AUTS2: variants seen among roughly 807,000 people sequenced by gnomAD.
AUTS2 encodes the protein activator of transcription and developmental regulator AUTS2.
A neutral mutation model predicts 112.4 loss-of-function variants in AUTS2; 17 were observed. That is an observed-to-expected ratio of 0.15 (90% CI 0.10 to 0.23). The LOEUF is 0.23. AUTS2 is among the 10% of genes least tolerant of loss of function. AUTS2 has a pLI of 1.00. For synonymous variants in AUTS2, 751 were observed against 702.7 expected (o/e 1.07, Z -1.09); for missense variants, 1,510 against 1,701.6 (o/e 0.89, Z 1.98).
intron 4 of AUTS2, among the ~76,000 whole-genome samples, chr7:70,379,646 GA>G (rs1433380676): frequency 3.3e-5 from 5 of 152,218 alleles, no homozygotes; most frequent in African/African-American, 1.2e-4. Flanking sequence ...TAGCTTGGTA[GA>G]CTGGCTGCCT....
chr7:70,713,676 C>T (rs927303202), intron 6 of AUTS2, among the ~76,000 whole-genome samples: 3 of 151,680 alleles, frequency 2.0e-5, no homozygotes, highest in Admixed American at 6.6e-5. Flanking sequence ...AGGCGGATCA[C>T]GAGGTCAGGA....
At chr7:69,712,022 C>T (rs1215835716) in intron 1 of AUTS2, among the ~76,000 whole-genome samples, 2 of 152,166 alleles carry the variant, frequency 1.3e-5, no homozygotes, top group Non-Finnish European at 2.9e-5. Context: ...GATGTCCTTT[C>T]CTCCATAAGC....
At chr7:70,095,430 C>T (rs1387123529) in intron 2 of AUTS2, among the ~76,000 whole-genome samples, 1 of 152,078 alleles carries the variant, frequency 6.6e-6, no homozygotes, top group Admixed American at 6.6e-5. Flanking sequence ...TGCTTCTGAC[C>T]CATTAGGAGA....
At chr7:69,640,182 GAAAATGTCTGCA>G (rs1794738551) in intron 1 of AUTS2, among the ~76,000 whole-genome samples, 3 of 92,578 alleles carry the variant, frequency 3.2e-5, no homozygotes, top group South Asian at 7.1e-4. Flanking sequence ...TGAGAATTTG[GAAAATGTCTGCA>G]GACTTTACTG....
At chr7:70,708,760 C>G (rs1809877685) in intron 6 of AUTS2, among the ~76,000 whole-genome samples, 1 of 152,158 alleles carries the variant, frequency 6.6e-6, no homozygotes, top group South Asian at 2.1e-4. Flanking sequence ...TAAAACCTAC[C>G]CCTTTGAGTT....
intron 15 of AUTS2, chr7:70,783,304 A>T (rs1254029719): frequency 6.6e-6 from 1 of 152,212 alleles, no homozygotes. Context: ...AAAATAAGCC[A>T]GTATGCAGGG....
intron 1 of AUTS2, among the ~76,000 whole-genome samples, chr7:69,640,479 A>G (rs1424195535): frequency 6.6e-6 from 1 of 152,214 alleles, no homozygotes; most frequent in Non-Finnish European, 1.5e-5. Context: ...ACTGAGATTT[A>G]TTGGTTTCTT....
At chr7:70,433,254 C>G (rs899717685) in intron 4 of AUTS2, among the ~76,000 whole-genome samples, 1 of 152,208 alleles carries the variant, frequency 6.6e-6, no homozygotes, top group African/African-American at 2.4e-5. Flanking sequence ...CTACCCCACT[C>G]CTCGTCCTCC....
chr7:70,195,121 G>A (rs958095497), intron 4 of AUTS2, among the ~76,000 whole-genome samples: 1 of 152,104 alleles, frequency 6.6e-6, no homozygotes, highest in Non-Finnish European at 1.5e-5. Flanking sequence ...AAAACAAGAA[G>A]TCTCTTTTCC....
At chr7:70,207,307 CCATT>C (rs1052408003) in intron 4 of AUTS2, among the ~76,000 whole-genome samples, 4 of 152,120 alleles carry the variant, frequency 2.6e-5, no homozygotes, top group African/African-American at 9.7e-5. Context: ...CTCACACTGT[CCATT>C]CAGAATCCTT....
At chr7:70,082,298 G>A (rs903213198) in intron 2 of AUTS2, among the ~76,000 whole-genome samples, 1 of 152,154 alleles carries the variant, frequency 6.6e-6, no homozygotes, top group Non-Finnish European at 1.5e-5. Context: ...GTAATCTCTT[G>A]TGAGGAAATT....
chr7:69,734,801 T>C (rs1751042569), intron 1 of AUTS2, among the ~76,000 whole-genome samples: 1 of 152,204 alleles, frequency 6.6e-6, no homozygotes, highest in South Asian at 2.1e-4. Context: ...GTCAGTGAGA[T>C]TATAAAAGCT....
In AUTS2 at chr7:70,766,368, A is replaced by G. The variant is rs371293256; in HGVS notation, c.1689+34A>G. ...CCCAGGCAGAAATGTGAGGATAAGT[A>G]GAGCACGACTCTTTTCTTTATGCAG... On this transcript the variant is annotated intron_variant, in intron 9 of 18. Transcript: ENST00000342771. The surrounding 1 kb of genome is among the most constrained non-coding windows in gnomAD (Gnocchi z 4.8). 188 of 1,609,682 alleles carry G rather than the reference A, an allele frequency of 1.2e-4. No individual in the cohort carries two copies. The highest frequency in any genetic ancestry group is 1.4e-4 in the Non-Finnish European group (169 of 1,177,042).
chr7:70,263,994 G>GT (rs1291969631), intron 4 of AUTS2, among the ~76,000 whole-genome samples: 2 of 152,126 alleles, frequency 1.3e-5, no homozygotes, highest in African/African-American at 2.4e-5. Flanking sequence ...TTGTCTTGAA[G>GT]TTTTCAAAAC....
intron 5 of AUTS2, among the ~76,000 whole-genome samples, chr7:70,670,888 C>T (rs1432476767): frequency 6.6e-6 from 1 of 152,188 alleles, no homozygotes; most frequent in Non-Finnish European, 1.5e-5. Flanking sequence ...AGTAACAAAA[C>T]AGGCGGGGTG....
At chr7:70,019,665 C>T (rs1194844946) in intron 2 of AUTS2, among the ~76,000 whole-genome samples, 3 of 152,152 alleles carry the variant, frequency 2.0e-5, no homozygotes, top group Admixed American at 6.5e-5. Flanking sequence ...CAGCTCTCTG[C>T]CCTAAACCAT....
intron 4 of AUTS2, among the ~76,000 whole-genome samples, chr7:70,183,906 T>A (rs896024813): frequency 2.0e-5 from 3 of 151,808 alleles, no homozygotes; most frequent in African/African-American, 7.3e-5. Context: ...TGCCTGTAAT[T>A]TAGTTGCACC....
At chr7:69,879,805 T>C (rs967756385) in intron 1 of AUTS2, among the ~76,000 whole-genome samples, 9 of 152,216 alleles carry the variant, frequency 5.9e-5, no homozygotes, top group Middle Eastern at 3.4e-3. Context: ...AAAAATTGAT[T>C]TTTATTTTTT....
At chr7:70,715,667 G>C (rs1035609424) in intron 6 of AUTS2, among the ~76,000 whole-genome samples, 14 of 152,094 alleles carry the variant, frequency 9.2e-5, no homozygotes, top group Non-Finnish European at 1.9e-4. Context: ...AAGTAGCTGG[G>C]ATTACAGGCG....
Sources: gnomAD v4.1 joint callset for allele counts (sites outside exome capture counted in the v4.1 genomes callset) on GRCh38, gnomAD v4.1.1 for gene constraint, Gnocchi (gnomAD v3.1) non-coding constraint, MANE v1.5 for transcripts, NCBI Gene and HGNC (gene_info 2026-07-23, HGNC 2026-07-21) for gene names.